THSD7B: variants seen among roughly 807,000 people sequenced by gnomAD.
The protein encoded by THSD7B is thrombospondin type-1 domain-containing protein 7B.
A neutral mutation model predicts 213.6 loss-of-function variants in THSD7B; 138 were observed. The ratio of observed to expected loss-of-function variants is 0.65; its 90% CI spans 0.56 to 0.74. The LOEUF (loss-of-function observed/expected upper bound fraction) is 0.74. Ranked by LOEUF, THSD7B falls within the 30% of genes least tolerant of loss-of-function variation. THSD7B has a pLI of 0.00. For synonymous variants in THSD7B, 742 were observed against 687.0 expected (o/e 1.08, Z -1.25); for missense variants, 1,931 against 1,991.5 (o/e 0.97, Z 0.58).
intron 12 of THSD7B, among the ~76,000 whole-genome samples, chr2:137,300,521 G>A (rs1368098273): frequency 6.6e-6 from 1 of 152,050 alleles, no homozygotes; most frequent in East Asian, 1.9e-4. Flanking sequence ...TGCAACTGTT[G>A]TGCATTAATA....
chr2:137,071,554 T>C (rs1204600838), intron 3 of THSD7B, among the ~76,000 whole-genome samples: 1 of 152,208 alleles, frequency 6.6e-6, no homozygotes, highest in East Asian at 1.9e-4. Context: ...AGAAGCTCTT[T>C]AGTTTAATTA....
intron 1 of THSD7B, among the ~76,000 whole-genome samples, chr2:136,782,221 G>A (rs539996617): frequency 1.3e-5 from 2 of 152,260 alleles, no homozygotes; most frequent in East Asian, 1.9e-4. Context: ...CGATGTGTGC[G>A]GAAGTTGTAA....
chr2:137,473,597 C>T (rs1295532085), intron 15 of THSD7B, among the ~76,000 whole-genome samples: 1 of 152,124 alleles, frequency 6.6e-6, no homozygotes, highest in Non-Finnish European at 1.5e-5. Flanking sequence ...ATTTTATGCT[C>T]ACTTCAAAAT....
chr2:137,536,652 CTAAG>C (rs989822833), intron 15 of THSD7B, among the ~76,000 whole-genome samples: 8 of 150,494 alleles, frequency 5.3e-5, no homozygotes, highest in African/African-American at 2.0e-4. Context: ...TAACAAGAGA[CTAAG>C]TAATTATAAT....
At chr2:136,975,492 T>C (rs1685466528) in intron 2 of THSD7B, among the ~76,000 whole-genome samples, 1 of 152,184 alleles carries the variant, frequency 6.6e-6, no homozygotes, top group Non-Finnish European at 1.5e-5. Context: ...GATAAGATGG[T>C]TGTGGATGTG....
At chr2:137,228,875 A>G (rs1681576304) in intron 7 of THSD7B, among the ~76,000 whole-genome samples, 1 of 152,178 alleles carries the variant, frequency 6.6e-6, no homozygotes, top group African/African-American at 2.4e-5. Context: ...ATCCCATCAT[A>G]TGCCTTGGAC....
intron 12 of THSD7B, among the ~76,000 whole-genome samples, chr2:137,348,434 A>G (rs1354428763): frequency 6.6e-6 from 1 of 151,638 alleles, no homozygotes; most frequent in Non-Finnish European, 1.5e-5. Flanking sequence ...TGTTCAATCC[A>G]TTTTGTTGGC....
intron 12 of THSD7B, among the ~76,000 whole-genome samples, chr2:137,315,017 A>C (rs1211553010): frequency 2.0e-5 from 3 of 152,148 alleles, no homozygotes; most frequent in Non-Finnish European, 4.4e-5. Context: ...GGCCTCCTTG[A>C]GCTGTGTTGG....
intron 2 of THSD7B, among the ~76,000 whole-genome samples, chr2:137,033,994 C>T (rs1012513256): frequency 6.6e-6 from 1 of 151,788 alleles, no homozygotes; most frequent in African/African-American, 2.4e-5. Flanking sequence ...TCCCGCCCCC[C>T]ATGTCCAAGT....
intron 15 of THSD7B, among the ~76,000 whole-genome samples, chr2:137,521,835 T>C (rs944432093): frequency 4.6e-5 from 7 of 152,014 alleles, no homozygotes; most frequent in Admixed American, 1.3e-4. Context: ...AGTCAGAGAA[T>C]GTCCACATAA....
chr2:137,585,279 T>C (rs544635173), intron 17 of THSD7B, among the ~76,000 whole-genome samples: 307 of 152,258 alleles, frequency 2.0e-3, no homozygotes, highest in African/African-American at 6.9e-3. Context: ...TTTGATCTTT[T>C]CAAAAAAACC....
intron 9 of THSD7B, among the ~76,000 whole-genome samples, chr2:137,237,176 C>T (rs1167828173): frequency 6.8e-6 from 1 of 146,958 alleles, no homozygotes; most frequent in Non-Finnish European, 1.5e-5. Flanking sequence ...AGTTGTAGAA[C>T]ATTCCAGTGC....
intron 2 of THSD7B, among the ~76,000 whole-genome samples, chr2:136,924,260 T>G (rs1232575898): frequency 2.6e-5 from 4 of 152,190 alleles, no homozygotes; most frequent in Non-Finnish European, 5.9e-5. Flanking sequence ...TTTTGTGTTT[T>G]AGTAGAGATG....
chr2:136,936,533 G>T (rs1439482558), intron 2 of THSD7B, among the ~76,000 whole-genome samples: 2 of 152,144 alleles, frequency 1.3e-5, no homozygotes, highest in East Asian at 1.9e-4. Flanking sequence ...ACCTGGATGG[G>T]ATTGGAGACT....
chr2:137,515,764 T>C (rs767719790), intron 15 of THSD7B, among the ~76,000 whole-genome samples: 1 of 152,152 alleles, frequency 6.6e-6, no homozygotes, highest in Non-Finnish European at 1.5e-5. Context: ...GATGACTCAC[T>C]GTGAGTGAGC....
intron 5 of THSD7B, among the ~76,000 whole-genome samples, chr2:137,148,438 C>T (rs1679751036): frequency 6.6e-6 from 1 of 152,018 alleles, no homozygotes; most frequent in African/African-American, 2.4e-5. Context: ...GAAGTGACTT[C>T]AGGAGAGGTT....
At chr2:137,493,870 T>A (rs1164228649) in intron 15 of THSD7B, among the ~76,000 whole-genome samples, 1 of 152,204 alleles carries the variant, frequency 6.6e-6, no homozygotes, top group East Asian at 1.9e-4. Context: ...ATACCCTTTG[T>A]GTCGTTTGGA....
intron 2 of THSD7B, among the ~76,000 whole-genome samples, chr2:137,011,352 T>C (rs553951658): frequency 2.1e-4 from 32 of 152,180 alleles, no homozygotes; most frequent in Non-Finnish European, 4.6e-4. Context: ...GTGAGCTATT[T>C]CAAATCCTGT....
intron 3 of THSD7B, among the ~76,000 whole-genome samples, chr2:137,074,636 A>C (rs1484079159): frequency 6.6e-6 from 1 of 152,148 alleles, no homozygotes; most frequent in African/African-American, 2.4e-5. Context: ...TTATGATGTT[A>C]GCTGGTTATT....
Sources: allele counts gnomAD v4.1 joint callset (sites outside exome capture counted in the v4.1 genomes callset), GRCh38; gene constraint gnomAD v4.1.1; transcripts MANE v1.5; gene names NCBI Gene and HGNC (gene_info 2026-07-23, HGNC 2026-07-21).